MECOM: variants seen among roughly 807,000 people sequenced by gnomAD.
MECOM encodes histone-lysine N-methyltransferase MECOM.
MECOM carries 13 observed loss-of-function variants against 116.3 expected under a neutral mutation model. That is an observed-to-expected ratio of 0.11 (90% CI 0.07 to 0.18). MECOM has a LOEUF of 0.18. Among genes scored for constraint, MECOM ranks in the 10% least tolerant of loss-of-function variants. MECOM has a pLI of 1.00. For missense variants in MECOM, 1,299 were observed against 1,509.0 expected (o/e 0.86, Z 2.31); for synonymous variants, 528 against 535.2 (o/e 0.99, Z 0.19).
chr3:169,586,885 C>T (rs1765836149), intron 1 of MECOM, among the ~76,000 whole-genome samples: 3 of 152,210 alleles, frequency 2.0e-5, no homozygotes, highest in Non-Finnish European at 4.4e-5. Flanking sequence ...TACTAGGTAT[C>T]AGCAGTTAGT....
chr3:169,558,366 C>T (rs760649873), intron 1 of MECOM, among the ~76,000 whole-genome samples: 1 of 152,198 alleles, frequency 6.6e-6, no homozygotes, highest in Non-Finnish European at 1.5e-5. Context: ...TAATTCACCT[C>T]CATCCTGCTG....
At chr3:169,091,364 A>G (rs1189168417) in intron 14 of MECOM, among the ~76,000 whole-genome samples, 2 of 152,088 alleles carry the variant, frequency 1.3e-5, no homozygotes, top group African/African-American at 2.4e-5. Context: ...AAAAACTTAG[A>G]TGACTCAACC....
intron 2 of MECOM, among the ~76,000 whole-genome samples, chr3:169,378,534 G>C (rs1314537461): frequency 1.1e-5 from 1 of 90,414 alleles, no homozygotes; most frequent in Non-Finnish European, 2.2e-5. Flanking sequence ...AAGAAAGAAA[G>C]AAAGAAAGAA....
At chr3:169,267,800 C>G (rs1028046398) in intron 2 of MECOM, among the ~76,000 whole-genome samples, 3 of 151,890 alleles carry the variant, frequency 2.0e-5, no homozygotes, top group Admixed American at 6.6e-5. Flanking sequence ...TTTCCATTTA[C>G]CAGGGGTTGG....
chr3:169,638,468 T>A (rs1472867313), intron 1 of MECOM, among the ~76,000 whole-genome samples: 1 of 152,118 alleles, frequency 6.6e-6, no homozygotes, highest in African/African-American at 2.4e-5. Context: ...CTACCTCACA[T>A]CCCACCTGAC....
intron 2 of MECOM, among the ~76,000 whole-genome samples, chr3:169,167,526 C>A (rs1236008537): frequency 1.3e-5 from 2 of 152,186 alleles, no homozygotes; most frequent in Non-Finnish European, 2.9e-5. Flanking sequence ...ACACAATAAA[C>A]AACTCCCAAT....
intron 2 of MECOM, among the ~76,000 whole-genome samples, chr3:169,301,944 T>C (rs992841637): frequency 2.6e-5 from 4 of 152,182 alleles, no homozygotes; most frequent in Non-Finnish European, 5.9e-5. Flanking sequence ...GTGCAGCTTG[T>C]TTAAATACCC....
intron 2 of MECOM, among the ~76,000 whole-genome samples, chr3:169,196,215 C>T (rs1425012378): frequency 6.6e-6 from 1 of 151,964 alleles, no homozygotes; most frequent in African/African-American, 2.4e-5. Flanking sequence ...CATGAGATGG[C>T]ATTTTATATC....
At chr3:169,471,568 G>T (rs1749251785) in intron 1 of MECOM, among the ~76,000 whole-genome samples, 1 of 152,156 alleles carries the variant, frequency 6.6e-6, no homozygotes, top group African/African-American at 2.4e-5. Flanking sequence ...AAGGAGGAAA[G>T]TACCATCCCA....
intron 1 of MECOM, among the ~76,000 whole-genome samples, chr3:169,621,516 G>A (rs1453082353): frequency 6.6e-6 from 1 of 152,132 alleles, no homozygotes; most frequent in African/African-American, 2.4e-5. Flanking sequence ...CAACACTTTG[G>A]GAGGCCAAGG....
At chr3:169,602,207 C>A (rs1043871721) in intron 1 of MECOM, among the ~76,000 whole-genome samples, 9 of 152,146 alleles carry the variant, frequency 5.9e-5, no homozygotes, top group Non-Finnish European at 1.0e-4. Flanking sequence ...GGATATGGCA[C>A]CTTTACACAA....
At chr3:169,576,744 A>G (rs190608119) in intron 1 of MECOM, among the ~76,000 whole-genome samples, 1 of 151,712 alleles carries the variant, frequency 6.6e-6, no homozygotes, top group Non-Finnish European at 1.5e-5. Context: ...TCCAAGGTCC[A>G]TGATCAGGAT....
chr3:169,347,758 T>C (rs1725613097), intron 2 of MECOM, among the ~76,000 whole-genome samples: 1 of 152,080 alleles, frequency 6.6e-6, no homozygotes, highest in Admixed American at 6.6e-5. Flanking sequence ...AAATTCTGTG[T>C]GGATGACAGG....
At chr3:169,373,853 T>G (rs1214267453) in intron 2 of MECOM, among the ~76,000 whole-genome samples, 5 of 151,970 alleles carry the variant, frequency 3.3e-5, no homozygotes, top group Non-Finnish European at 5.9e-5. Flanking sequence ...TCTTTCAGAG[T>G]CACATAATCC....
At chr3:169,492,566 A>G in intron 1 of MECOM, among the ~76,000 whole-genome samples, 1 of 152,340 alleles carries the variant, frequency 6.6e-6, no homozygotes, top group South Asian at 2.1e-4. Flanking sequence ...ATCAAGTTAA[A>G]TACAGTTATT....
intron 1 of MECOM, among the ~76,000 whole-genome samples, chr3:169,399,051 A>C (rs1003117295): frequency 6.6e-6 from 1 of 152,174 alleles, no homozygotes; most frequent in Non-Finnish European, 1.5e-5. Flanking sequence ...AACGTACCTC[A>C]AAACATATCC....
chr3:169,222,634 C>T (rs1752266559), intron 2 of MECOM, among the ~76,000 whole-genome samples: 1 of 152,184 alleles, frequency 6.6e-6, no homozygotes, highest in Non-Finnish European at 1.5e-5. Flanking sequence ...GCTGTCAGGC[C>T]CTCCCCAGAT....
chr3:169,331,686 A>G (rs952153377), intron 2 of MECOM, among the ~76,000 whole-genome samples: 1 of 152,150 alleles, frequency 6.6e-6, no homozygotes, highest in Non-Finnish European at 1.5e-5. Context: ...AACCACATAA[A>G]TTGACCCTAC....
chr3:169,340,985 C>A (rs1724407035), intron 2 of MECOM, among the ~76,000 whole-genome samples: 1 of 152,082 alleles, frequency 6.6e-6, no homozygotes. Flanking sequence ...AATATAATGA[C>A]AAATATTTGA....
Sources: gnomAD v4.1 joint callset for allele counts (sites outside exome capture counted in the v4.1 genomes callset) on GRCh38, gnomAD v4.1.1 for gene constraint, MANE v1.5 for transcripts, NCBI Gene and HGNC (gene_info 2026-07-23, HGNC 2026-07-21) for gene names.